CMC1: variants seen among roughly 807,000 people sequenced by gnomAD.
CMC1 encodes the protein C-X9-C motif containing 1.
CMC1 carries 14 observed loss-of-function variants against 14.1 expected under a neutral mutation model. The ratio of observed to expected loss-of-function variants is 0.99; its 90% CI spans 0.66 to 1.55. CMC1 has a LOEUF of 1.55. Among genes scored for constraint, CMC1 ranks in the 40% most tolerant of loss-of-function variants. The probability of loss-of-function intolerance (pLI) is 0.00; values close to 1 mark genes in which losing one functional copy is unlikely to be tolerated. For synonymous variants in CMC1, 50 were observed against 38.4 expected (o/e 1.30, Z -1.12); for missense variants, 127 against 123.8 (o/e 1.03, Z -0.12).
chr3:28,243,953 G>C (rs77661738), intron 1 of CMC1, among the ~76,000 whole-genome samples: 23,584 of 152,248 alleles, frequency 0.15, 2,495 homozygotes, highest in East Asian at 0.47. Context: ...CATTTGAATT[G>C]GAATCTGAGG....
At chr3:28,287,863 A>G (rs1392438643) in intron 2 of CMC1, among the ~76,000 whole-genome samples, 1 of 151,944 alleles carries the variant, frequency 6.6e-6, no homozygotes, top group Admixed American at 6.6e-5. Context: ...ACCATGATTG[A>G]ATTTCAATGT....
intron 2 of CMC1, among the ~76,000 whole-genome samples, chr3:28,264,257 T>TC (rs1699891327): frequency 6.6e-6 from 1 of 152,320 alleles, no homozygotes; most frequent in Admixed American, 6.5e-5. Flanking sequence ...GGGCTGCACT[T>TC]CCACTGCAAG....
At chr3:28,268,321 C>T (rs955978542) in intron 2 of CMC1, among the ~76,000 whole-genome samples, 4 of 152,062 alleles carry the variant, frequency 2.6e-5, no homozygotes, top group Admixed American at 6.5e-5. Context: ...CAGAAGAAAC[C>T]GTGGCACAAG....
chr3:28,315,525 C>T (rs1702852613), intron 2 of CMC1, among the ~76,000 whole-genome samples: 1 of 152,156 alleles, frequency 6.6e-6, no homozygotes, highest in South Asian at 2.1e-4. Flanking sequence ...AATCCACCGG[C>T]TTTTGTTGCC....
At chr3:28,241,935 C>A in intron 1 of CMC1, 123 bp downstream of exon 1, 1 of 1,009,616 alleles carries the variant, frequency 9.9e-7, no homozygotes, top group Non-Finnish European at 1.3e-6. Flanking sequence ...CTTCCACCAG[C>A]GTCTCCTCAT....
intron 2 of CMC1, among the ~76,000 whole-genome samples, chr3:28,293,710 T>C (rs2125555695): frequency 6.6e-6 from 1 of 152,180 alleles, no homozygotes; most frequent in Middle Eastern, 3.4e-3. Flanking sequence ...GCCTCCTAAG[T>C]AGCTGGGATT....
intron 2 of CMC1, among the ~76,000 whole-genome samples, chr3:28,314,374 A>G (rs1457538391): frequency 6.6e-6 from 1 of 152,198 alleles, no homozygotes; most frequent in Non-Finnish European, 1.5e-5. Context: ...CCTTAGTCAA[A>G]GGGCACAAAG....
rs1344225587 is a variant in CMC1, at chr3:28,241,787, C to A, written c.-7C>A. 2.4e-6 allele frequency: 3 copies of A among 1,241,118 alleles called. No homozygotes were observed. The highest frequency in any genetic ancestry group is 3.0e-6 in the Non-Finnish European group (3 of 988,120). The allele number at this position is 1,241,118 out of a possible 1,614,324, so 76.9% of individuals were successfully genotyped here. On this transcript the variant is annotated 5_prime_UTR_variant, in exon 1 of 4. Coordinates refer to ENST00000466830, the MANE Select transcript of CMC1 (RefSeq NM_182523.2). Reference sequence around the variant, plus strand: ...CCAAGCGGCTACGTTCTTCTCGGCCCGCCGAGATGGCGCTCGACCCCGCAG... The same window carrying A: ...CCAAGCGGCTACGTTCTTCTCGGCCAGCCGAGATGGCGCTCGACCCCGCAG...
chr3:28,257,499 A>G (rs1168762505), intron 1 of CMC1, among the ~76,000 whole-genome samples: 2 of 152,052 alleles, frequency 1.3e-5, no homozygotes, highest in Non-Finnish European at 2.9e-5. Context: ...GACTTGTACA[A>G]GTTGTCTTCT....
At chr3:28,317,173 A>C (rs1048911843) in intron 3 of CMC1, 3 of 152,088 alleles carry the variant, frequency 2.0e-5, no homozygotes, top group African/African-American at 7.2e-5. Context: ...TTAAATAAAA[A>C]TGTAATGAAC....
At chr3:28,258,060 T>TTTTATA (rs1553613943) in intron 1 of CMC1, among the ~76,000 whole-genome samples, 1 of 135,430 alleles carries the variant, frequency 7.4e-6, no homozygotes, top group African/African-American at 2.9e-5. Flanking sequence ...TTGAGCACCT[T>TTTTATA]TATATATATA....
At chr3:28,292,105 T>A (rs9831010) in intron 2 of CMC1, among the ~76,000 whole-genome samples, 3 of 151,982 alleles carry the variant, frequency 2.0e-5, no homozygotes, top group African/African-American at 7.2e-5. Context: ...GGTATTTTAA[T>A]TCATTTTCTT....
rs578052837 is a variant in CMC1 at position 28,241,668 on chromosome 3, C to G, written c.-126C>G. On this transcript the variant is annotated 5_prime_UTR_variant, in exon 1 of 4. Coordinates refer to ENST00000466830, the MANE Select transcript of CMC1 (RefSeq NM_182523.2). ...GTCCTGGCGGTGCTTTGCAAAGGGC[C>G]CGTGTTTCTGTTGCGGGAAGCTCCC... 1.0e-4 allele frequency: 123 copies of G among 1,234,732 alleles called. No homozygotes were observed. The highest frequency in any genetic ancestry group is 5.1e-4 in the East Asian group (16 of 31,666). The allele number at this position is 1,234,732 out of a possible 1,614,324, so 76.5% of individuals were successfully genotyped here. A position where few individuals can be genotyped will look rare whatever the true frequency, so the allele number is the denominator to read the frequency against.
intron 2 of CMC1, among the ~76,000 whole-genome samples, chr3:28,308,734 C>G (rs1275567352): frequency 6.6e-6 from 1 of 152,116 alleles, no homozygotes; most frequent in African/African-American, 2.4e-5. Context: ...CCTGTAATCC[C>G]AGCACTTTGG....
chr3:28,300,283 A>G (rs1177411467), intron 2 of CMC1, among the ~76,000 whole-genome samples: 1 of 152,200 alleles, frequency 6.6e-6, no homozygotes, highest in Non-Finnish European at 1.5e-5. Context: ...TAATGGGAAT[A>G]TTCGAATCTA....
rs1360757703 is a variant in CMC1 at position 28,323,137 on chromosome 3, A to G, written c.*3508A>G. The stretch of plus-strand genomic sequence containing the variant: ...AAATAGAATATTACATTTCAACACA[A>G]AGTCTAACAATTTAGAAGCTGCTCT... On this transcript the variant is annotated 3_prime_UTR_variant, in exon 4 of 4. Coordinates refer to ENST00000466830, the MANE Select transcript of CMC1 (RefSeq NM_182523.2). 2 of 150,662 alleles carry G rather than the reference A, an allele frequency of 1.3e-5. No individual in the cohort carries two copies. Among genetic ancestry groups the G allele is most frequent in the African/African-American group, 4.9e-5 (2 of 41,166 alleles). The allele number at this position is 150,662 out of a possible 1,614,324, so 9.3% of individuals were successfully genotyped here.
Position 28,316,388 on chromosome 3 carries a change from A to G in CMC1, c.165A>G (p.Lys55=), listed in dbSNP as rs995789084. Residue 55 remains lysine, a synonymous_variant, in exon 3 of 4, where the codon AAA becomes AAG. Coordinates refer to ENST00000466830, the MANE Select transcript of CMC1 (RefSeq NM_182523.2). ...TTCTTATGGTAGTAAAATGCCGGAA[A>G]GAAAATTCTGCATTGAAAGAATGTC... ...SGVLMVVKCR[K]ENSALKECLT... The G allele has an allele frequency of 6.3e-6, 10 of 1,599,156 alleles. No individual in the cohort carries two copies. The highest frequency in any genetic ancestry group is 6.8e-6 in the Non-Finnish European group (8 of 1,174,004).
In CMC1 at chr3:28,323,997, A is replaced by G. The variant is rs780739112; in HGVS notation, c.*4368A>G. ...AAATAATTTCTTGGGAGGACCACTG[A>G]AAGAGATAAGTGTCCTCATGGTGAA... On this transcript the variant is annotated 3_prime_UTR_variant, in exon 4 of 4. Coordinates refer to ENST00000466830, the MANE Select transcript of CMC1 (RefSeq NM_182523.2). The G allele has an allele frequency of 5.9e-6, 9 of 1,529,170 alleles. No individual in the cohort carries two copies. The highest frequency in any genetic ancestry group is 8.0e-6 in the Non-Finnish European group (9 of 1,130,466). The allele number at this position is 1,529,170 out of a possible 1,614,324, so 94.7% of individuals were successfully genotyped here.
At chr3:28,314,506 G>T (rs1702792365) in intron 2 of CMC1, among the ~76,000 whole-genome samples, 1 of 152,206 alleles carries the variant, frequency 6.6e-6, no homozygotes, top group Admixed American at 6.5e-5. Context: ...GGCTGGGTTG[G>T]GAATGAGAGA....
Sources: allele counts gnomAD v4.1 joint callset (sites outside exome capture counted in the v4.1 genomes callset), GRCh38; gene constraint gnomAD v4.1.1; transcripts MANE v1.5; gene names NCBI Gene and HGNC (gene_info 2026-07-23, HGNC 2026-07-21).